The following GTF3C4 variants were observed in gnomAD, a reference collection of about 807,000 sequenced individuals.
GTF3C4 encodes the protein general transcription factor 3C polypeptide 4.
Under a neutral mutation model 67.5 loss-of-function variants are expected in GTF3C4, and 28 were observed. That is an observed-to-expected ratio of 0.41 (90% confidence interval 0.31 to 0.57). The LOEUF (loss-of-function observed/expected upper bound fraction) is 0.57, where lower values mean the gene tolerates loss of function less well. GTF3C4 is among the 20% of genes least tolerant of loss of function. The pLI is 0.21. For missense variants in GTF3C4, 831 were observed against 1,033.2 expected, an observed-to-expected ratio of 0.80 and a Z score of 2.68; for synonymous variants, 409 against 393.0, an observed-to-expected ratio of 1.04 and a Z score of -0.48.
chr9:132,686,013 T>C (rs192136047), intron 3 of GTF3C4, among the ~76,000 whole-genome samples: 128 of 152,358 alleles, frequency 8.4e-4, no homozygotes, highest in Non-Finnish European at 1.4e-3. Flanking sequence ...TTCAATTCCA[T>C]CCAAAGATTA....
At chr9:132,687,413 G>T (rs456396) in intron 4 of GTF3C4, 86 bp downstream of exon 4, 226 of 672,296 alleles carry the variant, frequency 3.4e-4, no homozygotes, top group Non-Finnish European at 5.3e-4. Context: ...TTCTAGTCAC[G>T]CTCTACACTT....
At chr9:132,675,213 G>C (rs1835846770) in intron 1 of GTF3C4, among the ~76,000 whole-genome samples, 1 of 152,174 alleles carries the variant, frequency 6.6e-6, no homozygotes, top group Non-Finnish European at 1.5e-5. Context: ...TGCGCACACA[G>C]AGCTGGTATG....
chr9:132,670,764 C>A lies in GTF3C4; in HGVS notation c.166C>A (p.Pro56Thr). The A allele has an allele frequency of 6.4e-6, 10 of 1,565,256 alleles. No individual in the cohort carries two copies. The highest frequency in any genetic ancestry group is 8.6e-6 in the Non-Finnish European group (10 of 1,161,526). The change falls in exon 1 of 5, where the codon CCG becomes ACG. Residue 56 changes from proline (P) to threonine (T), a missense_variant. Around this residue, in one of 4 missense-constraint regions of GTF3C4, gnomAD observed 237 missense variants for 212.7 expected, o/e 1.11. Transcript: ENST00000372146. ...CCGCCTCATGGTGACTCGGCGGGAG[C>A]CGGCCGTGAAGCTGCAGTATGCGGT... Reference protein sequence around the residue: ...AFRLMVTRREPAVKLQYAVSG... With the variant: ...AFRLMVTRRETAVKLQYAVSG...
At chr9:132,682,022 C>T (rs1590136632) in intron 2 of GTF3C4, among the ~76,000 whole-genome samples, 2 of 150,612 alleles carry the variant, frequency 1.3e-5, no homozygotes, top group African/African-American at 4.9e-5. Context: ...GGCCTGTAGT[C>T]CTAGCTACTT....
chr9:132,670,064 C>G (rs775000914), upstream of GTF3C4: 4 of 1,561,670 alleles, frequency 2.6e-6, no homozygotes, highest in Admixed American at 5.6e-5. Context: ...TCCAGCTGTA[C>G]GGACTCGTCC....
Position 132,691,325 on chromosome 9 carries a change from G to A in GTF3C4, c.*2380G>A, listed in dbSNP as rs1836113055. ...GCTCAGTGCAACCTTGGAAAAGTGG[G>A]AATGGCACCAGACGTTTTTCAGGTG... On this transcript the variant is annotated 3_prime_UTR_variant, in exon 5 of 5. Transcript: ENST00000372146. 1 of 152,182 alleles carries A rather than the reference G, an allele frequency of 6.6e-6. No individual in the cohort carries two copies. The highest frequency in any genetic ancestry group is 6.5e-5 in the Admixed American group (1 of 15,282). The allele number at this position is 152,182 out of a possible 1,614,324, so 9.4% of individuals were successfully genotyped here.
rs1305170068 is a variant in GTF3C4 at position 132,670,656 on chromosome 9, G to A, written c.58G>A (p.Gly20Arg). 1.3e-6 allele frequency: 2 copies of A among 1,493,276 alleles called. No individual in the cohort carries two copies. The highest frequency in any genetic ancestry group is 1.8e-6 in the Non-Finnish European group (2 of 1,131,110). The allele number at this position is 1,493,276 out of a possible 1,614,324, so 92.5% of individuals were successfully genotyped here. ...CGCGGACGACGGGCCTGCGCCGTCTGGGGAGGAGGAGGGAGAGGGGGGCGG... is the reference window on the plus strand; with the variant it reads ...CGCGGACGACGGGCCTGCGCCGTCTAGGGAGGAGGAGGGAGAGGGGGGCGG... The part of the protein sequence containing the change: ...GPADDGPAPS[G>R]EEEGEGGGEA... The change falls in exon 1 of 5, where the codon GGG becomes AGG. Residue 20 changes from glycine to arginine, a missense_variant. By Grantham distance (125) the Gly-to-Arg change is moderately radical (BLOSUM62 -2). Transcript: ENST00000372146.
chr9:132,683,618 G>A lies in GTF3C4; in HGVS notation c.2240G>A (p.Cys747Tyr). The stretch of plus-strand genomic sequence containing the variant: ...AACAAACAGACTTTCCCTGAGCACT[G>A]TAGTTTGTGTAAAGAGATCTTGCCA... ...KMNKQTFPEH[C>Y]SLCKEILPFT... Residue 747 changes from cysteine to tyrosine, a missense_variant, in exon 3 of 5, where the codon TGT becomes TAT. Cys to Tyr is a radical substitution (Grantham distance 194). Coordinates refer to ENST00000372146, the MANE Select transcript of GTF3C4 (RefSeq NM_012204.4). The A allele has an allele frequency of 6.2e-7, 1 of 1,613,376 alleles. No individual in the cohort carries two copies. Among genetic ancestry groups the A allele is most frequent in the Non-Finnish European group, 8.5e-7 (1 of 1,179,614 alleles).
intron 1 of GTF3C4, among the ~76,000 whole-genome samples, chr9:132,676,839 A>G (rs1431550502): frequency 6.6e-6 from 1 of 152,128 alleles, no homozygotes; most frequent in African/African-American, 2.4e-5. Flanking sequence ...CCTTTTAATC[A>G]TGTTCTACCC....
chr9:132,670,828 G>A lies in GTF3C4; in HGVS notation c.230G>A (p.Arg77His), dbSNP rs1428121056. Residue 77 changes from arginine to histidine, a missense_variant, in exon 1 of 5, where the codon CGC becomes CAC. Arg to His is a conservative substitution (Grantham distance 29). This residue lies in a region of GTF3C4 where 237 missense variants were observed against 212.7 expected (regional missense o/e 1.11). Coordinates refer to ENST00000372146, the MANE Select transcript of GTF3C4 (RefSeq NM_012204.4). ...LEPLAWSEDH[R>H]VSVSTARSIA... ...CCGCTGGCTTGGTCCGAGGACCACC[G>A]CGTGTCTGTGTCCACGGCCCGCAGC... The A allele has an allele frequency of 6.2e-7, 1 of 1,608,636 alleles. No homozygotes were observed. Among genetic ancestry groups the A allele is most frequent in the East Asian group, 2.2e-5 (1 of 44,792 alleles).
Position 132,679,078 on chromosome 9 carries a change from G to A in GTF3C4, c.1459G>A (p.Ala487Thr). 2 of 1,614,186 alleles carry A rather than the reference G, an allele frequency of 1.2e-6. No homozygotes were observed. The highest frequency in any genetic ancestry group is 1.7e-6 in the Non-Finnish European group (2 of 1,180,042). Residue 487 changes from alanine (A) to threonine (T), a missense_variant, in exon 2 of 5, where the codon GCA (alanine) becomes ACA (threonine). Physicochemically the swap from Ala to Thr is moderately conservative, Grantham distance 58 (BLOSUM62 0). Around this residue, in one of 4 missense-constraint regions of GTF3C4, gnomAD observed 390 missense variants for 540.3 expected, o/e 0.72. Coordinates refer to ENST00000372146, the MANE Select transcript of GTF3C4 (RefSeq NM_012204.4). The surrounding 1 kb of genome is among the most constrained non-coding windows in gnomAD (Gnocchi z 5.9). ...CGGGATAGCAGTGAGCCCCTGCGGT[G>A]CATACCTGGCCATCATCACCACTGA... ...THGIAVSPCG[A>T]YLAIITTEGM...
Position 132,689,640 on chromosome 9 carries a change from G to T in GTF3C4, c.*695G>T, listed in dbSNP as rs1439167523. ...TTTTCATTCTCTCCTGGGTCATCAG[G>T]TTTCCTGACCCAACTCCTTAATCCG... On this transcript the variant is annotated 3_prime_UTR_variant, in exon 5 of 5. Transcript: ENST00000372146. 1 of 152,144 alleles carries T rather than the reference G, an allele frequency of 6.6e-6. No individual in the cohort carries two copies. 9.4% of individuals were successfully genotyped at this position (152,144 alleles called of 1,614,324 possible). A position where few individuals can be genotyped will look rare whatever the true frequency, so the allele number is the denominator to read the frequency against.
rs1379222418 is a variant in GTF3C4, at chr9:132,689,223, A to ATT, written c.*282_*283dup. 1 of 402,736 alleles carries ATT rather than the reference A, an allele frequency of 2.5e-6. No homozygotes were observed. Among genetic ancestry groups the ATT allele is most frequent in the Non-Finnish European group, 4.6e-6 (1 of 215,912 alleles). 24.9% of individuals were successfully genotyped at this position (402,736 alleles called of 1,614,324 possible). On this transcript the variant is annotated 3_prime_UTR_variant, in exon 5 of 5. Transcript: ENST00000372146. ...TGTAACCAATGAGGAACACTTACTTATTTTTAAGTATCTTGACAGAAGCAA... is the reference window on the plus strand; with the variant it reads ...TGTAACCAATGAGGAACACTTACTTATTTTTTTAAGTATCTTGACAGAAGCAA...
chr9:132,689,000 C>T lies in GTF3C4; in HGVS notation c.*55C>T. On this transcript the variant is annotated 3_prime_UTR_variant, in exon 5 of 5. Coordinates refer to ENST00000372146, the MANE Select transcript of GTF3C4 (RefSeq NM_012204.4). ...TGATGAACTCTGCCATAGAAAACTTCCTCCAGCCTGAAGAGAAGGATGCAC... is the reference window on the plus strand; with the variant it reads ...TGATGAACTCTGCCATAGAAAACTTTCTCCAGCCTGAAGAGAAGGATGCAC... 6 of 1,312,484 alleles carry T rather than the reference C, an allele frequency of 4.6e-6. No homozygotes were observed. The highest frequency in any genetic ancestry group is 1.2e-5 in the South Asian group (1 of 85,262). 81.3% of individuals were successfully genotyped at this position (1,312,484 alleles called of 1,614,324 possible). A position where few individuals can be genotyped will look rare whatever the true frequency, so the allele number is the denominator to read the frequency against.
At chr9:132,676,933 C>G in intron 1 of GTF3C4, among the ~76,000 whole-genome samples, 1 of 152,200 alleles carries the variant, frequency 6.6e-6, no homozygotes, top group African/African-American at 2.4e-5. Flanking sequence ...TTACCCATTT[C>G]TCTAAAGACA....
At chr9:132,685,380 A>C (rs1231555467) in intron 3 of GTF3C4, among the ~76,000 whole-genome samples, 1 of 152,194 alleles carries the variant, frequency 6.6e-6, no homozygotes, top group African/African-American at 2.4e-5. Flanking sequence ...TGTTATCAAA[A>C]TGTATGTACA....
In GTF3C4 at chr9:132,687,470, C is replaced by A; in HGVS notation, c.2404+143C>A. On this transcript the variant is annotated intron_variant, in intron 4 of 4. Coordinates refer to ENST00000372146, the MANE Select transcript of GTF3C4 (RefSeq NM_012204.4). The stretch of plus-strand genomic sequence containing the variant: ...GTGGGGGGTGGGGAGTAGGCCCCTG[C>A]TGCTCTTTACGGTGTTACTGTGAAG... 3.2e-6 allele frequency: 2 copies of A among 620,446 alleles called. 1 individual carries two copies. The highest frequency in any genetic ancestry group is 5.9e-6 in the Non-Finnish European group (2 of 338,166). The allele number at this position is 620,446 out of a possible 1,614,324, so 38.4% of individuals were successfully genotyped here. A position where few individuals can be genotyped will look rare whatever the true frequency, so the allele number is the denominator to read the frequency against.
At position 132,670,551 on chromosome 9, in the gene GTF3C4, G is replaced by A. The variant is rs1340211464; in HGVS notation, c.-48G>A. On this transcript the variant is annotated 5_prime_UTR_variant, in exon 1 of 5. Transcript: ENST00000372146. ...CGGCGGCGGTCCGGGAGGTGGTCGCGCGACTGCGTGGAGCGCCAGGGCGTC... is the reference window on the plus strand; with the variant it reads ...CGGCGGCGGTCCGGGAGGTGGTCGCACGACTGCGTGGAGCGCCAGGGCGTC... 7.5e-7 allele frequency: 1 copy of A among 1,324,538 alleles called. No homozygotes were observed. The highest frequency in any genetic ancestry group is 2.8e-5 in the East Asian group (1 of 35,462). The allele number at this position is 1,324,538 out of a possible 1,614,324, so 82.0% of individuals were successfully genotyped here. A position where few individuals can be genotyped will look rare whatever the true frequency, so the allele number is the denominator to read the frequency against.
intron 2 of GTF3C4, among the ~76,000 whole-genome samples, chr9:132,681,209 C>T (rs1835939220): frequency 6.6e-6 from 1 of 152,164 alleles, no homozygotes; most frequent in African/African-American, 2.4e-5. Flanking sequence ...TTATAAGAGT[C>T]AGTGAAAAAT....
Sources: allele counts gnomAD v4.1 joint callset (sites outside exome capture counted in the v4.1 genomes callset), GRCh38; gene constraint gnomAD v4.1.1; regional missense constraint gnomAD v4.1.1; non-coding constraint Gnocchi (gnomAD v3.1); transcripts MANE v1.5; gene names NCBI Gene and HGNC (gene_info 2026-07-23, HGNC 2026-07-21).